GUCY2C: variants seen among roughly 807,000 people sequenced by gnomAD.
GUCY2C encodes the protein guanylyl cyclase C.
In GUCY2C, 118 loss-of-function variants were observed where a neutral mutation model predicts 131.1. The ratio of observed to expected loss-of-function variants is 0.90; its 90% CI spans 0.78 to 1.05. GUCY2C has a LOEUF of 1.05. GUCY2C is among the 50% of genes least tolerant of loss of function. The pLI, the probability that GUCY2C is intolerant of heterozygous loss-of-function variation, is 0.00. For missense variants in GUCY2C, 1,161 were observed against 1,304.4 expected (o/e 0.89, Z 1.69); for synonymous variants, 452 against 457.8 (o/e 0.99, Z 0.16).
intron 17 of GUCY2C, among the ~76,000 whole-genome samples, chr12:14,641,798 G>A (rs747210723): frequency 2.6e-4 from 40 of 151,954 alleles, no homozygotes; most frequent in African/African-American, 8.7e-4. Flanking sequence ...TTAGCCAGGC[G>A]TGGTGGTGGG....
At chr12:14,635,745 TAAAC>T (rs1324444685) in intron 19 of GUCY2C, among the ~76,000 whole-genome samples, 1 of 151,590 alleles carries the variant, frequency 6.6e-6, no homozygotes, top group Non-Finnish European at 1.5e-5. Flanking sequence ...AAGATCCAAA[TAAAC>T]AAAATCAGAA....
chr12:14,616,213 G>A (rs989508183), intron 25 of GUCY2C, among the ~76,000 whole-genome samples: 1 of 152,278 alleles, frequency 6.6e-6, no homozygotes, highest in Middle Eastern at 3.4e-3. Flanking sequence ...CACTCCTTGT[G>A]ATTCTAGAGC....
intron 2 of GUCY2C, 54 bp from the exon 3 acceptor site, chr12:14,686,279 G>A (rs1233254784): frequency 2.3e-6 from 3 of 1,286,166 alleles, no homozygotes; most frequent in East Asian, 2.3e-5. Context: ...ATACTCAGTG[G>A]ACAGGAAAGA....
chr12:14,687,859 A>C, intron 2 of GUCY2C, 92 bp downstream of exon 2: 2 of 737,416 alleles, frequency 2.7e-6, no homozygotes, highest in Non-Finnish European at 4.9e-6. Context: ...AGATGATGGG[A>C]GAGCTGCTTC....
chr12:14,633,979 A>T (rs1947207760), intron 19 of GUCY2C, among the ~76,000 whole-genome samples: 1 of 152,350 alleles, frequency 6.6e-6, no homozygotes, highest in Admixed American at 6.5e-5. Context: ...CAAAAGGAAT[A>T]CAAAACCCAT....
At chr12:14,646,080 C>T (rs974184694) in intron 15 of GUCY2C, among the ~76,000 whole-genome samples, 1 of 152,142 alleles carries the variant, frequency 6.6e-6, no homozygotes, top group African/African-American at 2.4e-5. Context: ...AAGCAATCTG[C>T]CCGCCTCAGC....
intron 19 of GUCY2C, among the ~76,000 whole-genome samples, chr12:14,639,386 C>T (rs529884306): frequency 4.6e-5 from 7 of 151,452 alleles, no homozygotes; most frequent in Non-Finnish European, 7.4e-5. Flanking sequence ...TGGAAAGGCA[C>T]GGAGAATGCG....
In GUCY2C at chr12:14,687,978, T is replaced by A; in HGVS notation, c.303A>T (p.Glu101Asp). 1 of 1,612,852 alleles carries A rather than the reference T, an allele frequency of 6.2e-7. No individual in the cohort carries two copies. The highest frequency in any genetic ancestry group is 8.5e-7 in the Non-Finnish European group (1 of 1,178,794). ...NSGDCRSSTC[E>D]GLDLLRKISN... ...AAATTTTCCTGAGTAGGTCGAGGCC[T>A]TCACAGGTGCTACTCCGGCAGTCGC... Residue 101 changes from glutamate (E) to aspartate (D), a missense_variant, in exon 2 of 27, where the codon GAA becomes GAT. Transcript: ENST00000261170.
In GUCY2C at chr12:14,621,122, T is replaced by C. The variant is rs773733224; in HGVS notation, c.2696A>G (p.Glu899Gly). The C allele has an allele frequency of 1.1e-5, 17 of 1,613,888 alleles. No homozygotes were observed. In the South Asian group the frequency reaches 1.8e-4, roughly 17 times the overall value. ...AAAGGTCCCCATGAAGCTGAGGATT[T>C]CCAAGGCCATCTTGGCAATGTCTAT... ...HAIDIAKMAL[E>G]ILSFMGTFEL... The change falls in exon 23 of 27, where the codon GAA (glutamate) becomes GGA (glycine). Residue 899 changes from glutamate to glycine, a missense_variant. Coordinates refer to ENST00000261170, the MANE Select transcript of GUCY2C (RefSeq NM_004963.4).
intron 20 of GUCY2C, 42 bp from the exon 21 acceptor site, chr12:14,625,957 GAAAACAT>G: frequency 8.7e-7 from 1 of 1,155,204 alleles, no homozygotes. Flanking sequence ...ATATTATTAA[GAAAACAT>G]GAACATCCAA....
At chr12:14,624,924 C>G (rs1219881769) in intron 21 of GUCY2C, among the ~76,000 whole-genome samples, 1 of 152,168 alleles carries the variant, frequency 6.6e-6, no homozygotes, top group Non-Finnish European at 1.5e-5. Context: ...GTTTTTGTCA[C>G]AACTCAGCAT....
chr12:14,660,982 T>G lies in GUCY2C; in HGVS notation c.1363A>C (p.Arg455=), dbSNP rs1370315383. Residue 455 remains arginine (R), a splice_region_variant and synonymous_variant, in exon 11 of 27, where the codon AGA becomes CGA. Transcript: ENST00000261170. ...CAGGCATGATAGAGGCGGCTGTACC[T>G]GAGCATCAGGAGAGCGACGAGCAGG... ...LLLLVALLML[R]KYRKDYELRQ... is the part of the protein sequence containing the mutation. The G allele has an allele frequency of 6.2e-7, 1 of 1,604,964 alleles. No homozygotes were observed. The highest frequency in any genetic ancestry group is 8.5e-7 in the Non-Finnish European group (1 of 1,171,708).
At chr12:14,624,530 C>A (rs946834957) in intron 21 of GUCY2C, among the ~76,000 whole-genome samples, 3 of 152,136 alleles carry the variant, frequency 2.0e-5, no homozygotes, top group Non-Finnish European at 4.4e-5. Flanking sequence ...GGGTACTATT[C>A]AAATAAATGT....
rs563045110 is a variant in GUCY2C, at chr12:14,651,245, A to G, written c.1710+162T>C. Among the ~76,000 whole-genome samples the G allele has an allele frequency of 3.4e-4, 52 of 152,294 alleles. 1 individual carries two copies. The highest frequency in any genetic ancestry group is 1.2e-3 in the African/African-American group (50 of 41,566). On this transcript the variant is annotated intron_variant, in intron 15 of 26. Coordinates refer to ENST00000261170, the MANE Select transcript of GUCY2C (RefSeq NM_004963.4). ...ATTTTTTTTGCTTGTTTATAAAAACATAATAAGACTGAAAAAATCTCGGGG... is the reference window on the plus strand; with the variant it reads ...ATTTTTTTTGCTTGTTTATAAAAACGTAATAAGACTGAAAAAATCTCGGGG...
intron 11 of GUCY2C, among the ~76,000 whole-genome samples, chr12:14,658,086 T>C (rs544066115): frequency 6.6e-6 from 1 of 152,334 alleles, no homozygotes; most frequent in East Asian, 1.9e-4. Context: ...TTTCTAGCTA[T>C]TTAATAGAGT....
intron 1 of GUCY2C, among the ~76,000 whole-genome samples, chr12:14,695,462 A>G (rs993224597): frequency 9.2e-5 from 14 of 151,940 alleles, no homozygotes; most frequent in Non-Finnish European, 1.6e-4. Context: ...TTAGCCAGGC[A>G]TGGTGGTGGG....
At chr12:14,693,520 A>T (rs1297213563) in intron 1 of GUCY2C, among the ~76,000 whole-genome samples, 1 of 152,204 alleles carries the variant, frequency 6.6e-6, no homozygotes, top group Non-Finnish European at 1.5e-5. Flanking sequence ...TAACGCTTGA[A>T]CTTTTACTTT....
rs1565619798 is a variant in GUCY2C at position 14,651,959 on chromosome 12, C to T, written c.1605G>A (p.Lys535=). ...AGGGTTTGAAGTAAGGGCTACATAC[C>T]TTGTTCAATTCTATCTTCTGTTTTT... is the stretch of plus-strand genomic sequence containing the variant. ...FTEKQKIELN[K]LLQIDYYNLT... The change falls in exon 14 of 27, where the codon AAG becomes AAA. Residue 535 remains lysine, a splice_region_variant and synonymous_variant. Coordinates refer to ENST00000261170, the MANE Select transcript of GUCY2C (RefSeq NM_004963.4). 3 of 1,533,290 alleles carry T rather than the reference C, an allele frequency of 2.0e-6. No homozygotes were observed. The highest frequency in any genetic ancestry group is 1.8e-6 in the Non-Finnish European group (2 of 1,107,504). The allele number at this position is 1,533,290 out of a possible 1,614,324, so 95.0% of individuals were successfully genotyped here.
intron 6 of GUCY2C, 128 bp downstream of exon 6, chr12:14,679,529 A>G (rs1023924306): frequency 5.0e-6 from 3 of 605,850 alleles, no homozygotes; most frequent in African/African-American, 1.9e-5. Context: ...ACAGAGTTCA[A>G]ATATTATCAT....
Sources: allele counts gnomAD v4.1 joint callset (sites outside exome capture counted in the v4.1 genomes callset), GRCh38; gene constraint gnomAD v4.1.1; transcripts MANE v1.5; gene names NCBI Gene and HGNC (gene_info 2026-07-23, HGNC 2026-07-21).